Variants in MCPH1 observed in about 807,000 individuals in gnomAD.
MCPH1 encodes microcephalin.
Under a neutral mutation model 84.5 loss-of-function variants are expected in MCPH1, and 104 were observed. The ratio of observed to expected loss-of-function variants is 1.23; its 90% CI spans 1.05 to 1.45. The LOEUF (loss-of-function observed/expected upper bound fraction) is 1.45. MCPH1 is among the 40% of genes most tolerant of loss of function. The pLI, the probability that MCPH1 is intolerant of heterozygous loss-of-function variation, is 0.00. For missense variants in MCPH1, 1,498 were observed against 1,005.7 expected (o/e 1.49, Z -6.62); for synonymous variants, 514 against 366.8 (o/e 1.40, Z -4.58).
intron 11 of MCPH1, among the ~76,000 whole-genome samples, chr8:6,491,117 T>G (rs1810519251): frequency 6.6e-6 from 1 of 151,348 alleles, no homozygotes; most frequent in Non-Finnish European, 1.5e-5. Flanking sequence ...CAAAGTAGTA[T>G]GGCAAAAAGG....
In MCPH1 at chr8:6,439,050, G is replaced by T. The variant is rs1405708845; in HGVS notation, c.534G>T (p.Lys178Asn). The T allele has an allele frequency of 1.9e-6, 3 of 1,613,444 alleles. No homozygotes were observed. Among genetic ancestry groups the T allele is most frequent in the Non-Finnish European group, 1.7e-6 (2 of 1,179,758 alleles). The change falls in exon 6 of 14, where the codon AAG (lysine) becomes AAT (asparagine). Residue 178 changes from lysine to asparagine, a missense_variant. Lys to Asn is a moderately conservative substitution (Grantham distance 94). Transcript: ENST00000344683. Reference protein sequence around the residue: ...INSRHHSAMEKRLQEMKEKRE... With the variant: ...INSRHHSAMENRLQEMKEKRE... Reference sequence around the variant, plus strand: ...GTAGGCACCACAGCGCAATGGAGAAGAGATTACAAGAGATGAAGGAGAAAA... The same window carrying T: ...GTAGGCACCACAGCGCAATGGAGAATAGATTACAAGAGATGAAGGAGAAAA...
intron 12 of MCPH1, among the ~76,000 whole-genome samples, chr8:6,577,742 A>C (rs1242961403): frequency 1.3e-5 from 2 of 152,224 alleles, no homozygotes; most frequent in Admixed American, 1.3e-4. Flanking sequence ...CAATTTAACA[A>C]ATGTGAGACA....
intron 12 of MCPH1, among the ~76,000 whole-genome samples, chr8:6,611,819 C>T (rs1241973567): frequency 6.6e-6 from 1 of 152,120 alleles, no homozygotes; most frequent in East Asian, 1.9e-4. Context: ...GGGGTTTCAC[C>T]GTGTTAGCCA....
intron 12 of MCPH1, among the ~76,000 whole-genome samples, chr8:6,558,428 A>G (rs1053982762): frequency 4.6e-5 from 7 of 152,136 alleles, no homozygotes. Context: ...TTTCAATTTT[A>G]AATGTACAAA....
Position 6,581,269 on chromosome 8 carries a change from C to T in MCPH1, c.2215-40185C>T, listed in dbSNP as rs539119117. On this transcript the variant is annotated intron_variant, in intron 12 of 13. Transcript: ENST00000344683. ...TAACCATGTGGGAATTATTTATATC[C>T]TACTGTTCAAGGTCATCACCAAGGT... Among the ~76,000 whole-genome samples, 3 of 152,274 alleles carry T rather than the reference C, an allele frequency of 2.0e-5. No individual in the cohort carries two copies. The South Asian group carries it at 6.2e-4, about 32-fold the overall frequency.
intron 12 of MCPH1, chr8:6,508,879 C>T: frequency 6.8e-6 from 11 of 1,612,936 alleles, no homozygotes; most frequent in Non-Finnish European, 9.3e-6. Context: ...GCCTTTCCCT[C>T]TATGAAATCA....
chr8:6,640,049 A>C (rs1797826724), intron 13 of MCPH1, among the ~76,000 whole-genome samples: 1 of 139,668 alleles, frequency 7.2e-6, no homozygotes, highest in African/African-American at 2.7e-5. Context: ...GGCTTCTGCT[A>C]TTTTAAACTC....
intron 12 of MCPH1, among the ~76,000 whole-genome samples, chr8:6,560,992 C>T (rs527649228): frequency 6.6e-6 from 1 of 152,242 alleles, no homozygotes; most frequent in African/African-American, 2.4e-5. Flanking sequence ...TCATGCCTCG[C>T]TGTGACTCTG....
chr8:6,565,088 T>G (rs899378353), intron 12 of MCPH1, among the ~76,000 whole-genome samples: 2 of 152,324 alleles, frequency 1.3e-5, no homozygotes, highest in South Asian at 2.1e-4. Context: ...ATATAGGTCT[T>G]AAAGATGAGA....
At chr8:6,564,014 C>G (rs1314598000) in intron 12 of MCPH1, among the ~76,000 whole-genome samples, 1 of 133,002 alleles carries the variant, frequency 7.5e-6, no homozygotes, top group African/African-American at 2.8e-5. Context: ...CGGAGTCTCG[C>G]TCTGTCGACC....
intron 13 of MCPH1, chr8:6,626,442 G>T: frequency 1.0e-6 from 1 of 980,774 alleles, no homozygotes; most frequent in Non-Finnish European, 1.2e-6. Flanking sequence ...ACCAGAAGGA[G>T]AAATGGGGTT....
At chr8:6,418,252 C>G (rs1201537651) in intron 3 of MCPH1, among the ~76,000 whole-genome samples, 1 of 152,088 alleles carries the variant, frequency 6.6e-6, no homozygotes. Context: ...CACACCAGCT[C>G]CCTCAGAGAC....
At chr8:6,455,813 A>G (rs1001756285) in intron 9 of MCPH1, among the ~76,000 whole-genome samples, 4 of 152,230 alleles carry the variant, frequency 2.6e-5, no homozygotes, top group Non-Finnish European at 5.9e-5. Flanking sequence ...GCTTAAATTT[A>G]AAATTAGCCA....
chr8:6,565,761 C>T (rs1826092878), intron 12 of MCPH1, among the ~76,000 whole-genome samples: 1 of 152,068 alleles, frequency 6.6e-6, no homozygotes, highest in Admixed American at 6.5e-5. Flanking sequence ...AGGGAGAGAC[C>T]CATAAACAAA....
chr8:6,454,762 GATTAATTAT>G (rs1287308134), intron 8 of MCPH1, among the ~76,000 whole-genome samples: 1 of 152,152 alleles, frequency 6.6e-6, no homozygotes, highest in Non-Finnish European at 1.5e-5. Flanking sequence ...CCAAAAGTTA[GATTAATTAT>G]TGCCTCTAAT....
chr8:6,460,854 C>T (rs753450553), intron 9 of MCPH1, among the ~76,000 whole-genome samples: 9 of 152,066 alleles, frequency 5.9e-5, no homozygotes, highest in South Asian at 2.1e-4. Context: ...AGCTGGGCAA[C>T]GTCTGCAAAT....
intron 11 of MCPH1, among the ~76,000 whole-genome samples, chr8:6,497,843 T>C (rs1228433826): frequency 6.6e-6 from 1 of 152,220 alleles, no homozygotes. Flanking sequence ...ATTAATATAA[T>C]AGATACATTG....
At chr8:6,546,258 A>T (rs1478186914) in intron 12 of MCPH1, among the ~76,000 whole-genome samples, 1 of 152,226 alleles carries the variant, frequency 6.6e-6, no homozygotes, top group African/African-American at 2.4e-5. Context: ...TGAATATTCA[A>T]GGGCAACCCA....
intron 12 of MCPH1, chr8:6,532,622 T>C (rs5889177): frequency 6.3e-6 from 4 of 630,468 alleles, no homozygotes; most frequent in Non-Finnish European, 7.1e-6. Context: ...CTTGCCTTCC[T>C]TTTGGAATCT....
Sources: gnomAD v4.1 joint callset for allele counts (sites outside exome capture counted in the v4.1 genomes callset) on GRCh38, gnomAD v4.1.1 for gene constraint, MANE v1.5 for transcripts, NCBI Gene and HGNC (gene_info 2026-07-23, HGNC 2026-07-21) for gene names.